WDR43: variants seen among roughly 807,000 people sequenced by gnomAD.
The protein encoded by WDR43 is WD repeat-containing protein 43.
WDR43 carries 13 observed loss-of-function variants against 91.4 expected under a neutral mutation model. The ratio of observed to expected loss-of-function variants is 0.14; its 90% CI spans 0.09 to 0.23. The LOEUF (loss-of-function observed/expected upper bound fraction) is 0.23. Ranked by LOEUF, WDR43 falls within the 10% of genes least tolerant of loss-of-function variation. The pLI, the probability that WDR43 is intolerant of heterozygous loss-of-function variation, is 1.00. For synonymous variants in WDR43, 331 were observed against 287.9 expected (o/e 1.15, Z -1.51); for missense variants, 780 against 809.4 (o/e 0.96, Z 0.44).
At chr2:28,930,124 G>C (rs575114154) in intron 11 of WDR43, 2 of 471,170 alleles carry the variant, frequency 4.2e-6, no homozygotes, top group Admixed American at 4.7e-5. Flanking sequence ...GTGAGAGGGG[G>C]CAGTGAGGTG....
chr2:28,940,282 T>C (rs1572604190), intron 14 of WDR43, among the ~76,000 whole-genome samples: 1 of 150,866 alleles, frequency 6.6e-6, no homozygotes, highest in African/African-American at 2.4e-5. Context: ...TAGGCTGGAG[T>C]GCAATGGCAC....
At chr2:28,930,850 T>G (rs1341991482) in intron 11 of WDR43, among the ~76,000 whole-genome samples, 1 of 152,186 alleles carries the variant, frequency 6.6e-6, no homozygotes, top group Non-Finnish European at 1.5e-5. Context: ...GCCAATCAAC[T>G]GTTGATTTGT....
At chr2:28,941,887 G>C (rs1030529086) in intron 15 of WDR43, among the ~76,000 whole-genome samples, 4 of 152,106 alleles carry the variant, frequency 2.6e-5, no homozygotes, top group Admixed American at 2.0e-4. Flanking sequence ...GACCCACCAC[G>C]CCTGGCTGAG....
chr2:28,899,691 C>T (rs1670544509), intron 1 of WDR43, among the ~76,000 whole-genome samples: 1 of 152,080 alleles, frequency 6.6e-6, no homozygotes. Context: ...GCACTAAACT[C>T]TTGGTTTGAA....
At chr2:28,904,326 G>A (rs1340875788) in intron 2 of WDR43, among the ~76,000 whole-genome samples, 2 of 152,026 alleles carry the variant, frequency 1.3e-5, no homozygotes, top group Non-Finnish European at 1.5e-5. Flanking sequence ...CCCTTAAATG[G>A]GTATTAACAG....
chr2:28,945,716 A>G (rs934641331), intron 16 of WDR43, among the ~76,000 whole-genome samples: 2 of 152,212 alleles, frequency 1.3e-5, no homozygotes, highest in Non-Finnish European at 2.9e-5. Flanking sequence ...CCATTGTGAG[A>G]TATATCTTCC....
chr2:28,924,361 G>T (rs1222911094), intron 7 of WDR43, among the ~76,000 whole-genome samples: 1 of 152,170 alleles, frequency 6.6e-6, no homozygotes, highest in African/African-American at 2.4e-5. Context: ...CTGGTATCTG[G>T]TGACAACAAT....
rs777901532 is a variant in WDR43, at chr2:28,902,036, A to T, written c.275A>T (p.Asn92Ile). ...KRKSEAVGMS[N>I]QTDLLALGTA... ...AAATCAGAAGCTGTAGGAATGAGTA[A>T]CCAGACTGACTTATTGGCTCTTGGC... Residue 92 changes from asparagine to isoleucine, a missense_variant, in exon 2 of 18, where the codon AAC becomes ATC. Transcript: ENST00000407426. 45 of 1,609,384 alleles carry T rather than the reference A, an allele frequency of 2.8e-5. No homozygotes were observed. In the South Asian group the frequency reaches 4.8e-4, roughly 17 times the overall value.
intron 1 of WDR43, among the ~76,000 whole-genome samples, chr2:28,897,623 A>T (rs975065035): frequency 8.5e-5 from 13 of 152,214 alleles, no homozygotes; most frequent in Non-Finnish European, 1.5e-4. Context: ...AATATGGTAA[A>T]TCAATTTGTA....
intron 11 of WDR43, among the ~76,000 whole-genome samples, chr2:28,934,446 G>C (rs1190019767): frequency 6.6e-6 from 1 of 152,154 alleles, no homozygotes; most frequent in African/African-American, 2.4e-5. Context: ...CAGTAAAGTT[G>C]TAAAAGAAAA....
At chr2:28,931,079 T>G (rs1206590498) in intron 11 of WDR43, among the ~76,000 whole-genome samples, 2 of 147,524 alleles carry the variant, frequency 1.4e-5, no homozygotes, top group East Asian at 3.9e-4. Flanking sequence ...TATTTCTGCT[T>G]TTTTTTTTTT....
rs1201697321 is a variant in WDR43 at position 28,914,226 on chromosome 2, A to C, written c.746+18A>C. 29 of 1,602,946 alleles carry C rather than the reference A, an allele frequency of 1.8e-5. No individual in the cohort carries two copies. Among genetic ancestry groups the C allele is most frequent in the Non-Finnish European group, 2.2e-5 (26 of 1,175,374 alleles). On this transcript the variant is annotated intron_variant, in intron 5 of 17. Coordinates refer to ENST00000407426, the MANE Select transcript of WDR43 (RefSeq NM_015131.3). ...AATGTCTGGTATGTAGTTCTTTTGG[A>C]TTTGGGAGGTAGCATTGAAAGAATC...
intron 4 of WDR43, chr2:28,913,584 TAC>T (rs1214766191): frequency 4.1e-6 from 2 of 482,028 alleles, no homozygotes; most frequent in Non-Finnish European, 8.4e-6. Flanking sequence ...TTAGTCCACT[TAC>T]TGTATTTGAC....
chr2:28,924,864 C>A, intron 7 of WDR43, 118 bp from the exon 8 acceptor site: 2 of 1,220,138 alleles, frequency 1.6e-6, no homozygotes, highest in Non-Finnish European at 2.3e-6. Flanking sequence ...CAGGTGACTC[C>A]TGATGGCAGT....
At chr2:28,904,005 A>G (rs1056430987) in intron 2 of WDR43, among the ~76,000 whole-genome samples, 2 of 152,044 alleles carry the variant, frequency 1.3e-5, no homozygotes, top group Non-Finnish European at 2.9e-5. Context: ...GGGTTTTGTC[A>G]TGTTGGCCAT....
At chr2:28,935,635 A>G (rs2148196747) in intron 12 of WDR43, 28 bp downstream of exon 12, 1 of 1,474,948 alleles carries the variant, frequency 6.8e-7, no homozygotes, top group Non-Finnish European at 9.2e-7. Context: ...TCATTTCAGC[A>G]TCCTAATGCC....
At chr2:28,915,478 A>C (rs1478082324) in intron 5 of WDR43, among the ~76,000 whole-genome samples, 1 of 152,210 alleles carries the variant, frequency 6.6e-6, no homozygotes, top group East Asian at 1.9e-4. Context: ...CCAGCTACAA[A>C]ATTTCATTAA....
intron 6 of WDR43, 116 bp from the exon 7 acceptor site, chr2:28,922,803 T>TTG: frequency 2.4e-6 from 1 of 408,854 alleles, no homozygotes; most frequent in South Asian, 6.9e-5. Flanking sequence ...CTGTGTTTTT[T>TTG]TTTTTTTTTT....
At chr2:28,922,840 A>T in intron 6 of WDR43, 79 bp from the exon 7 acceptor site, 2 of 747,498 alleles carry the variant, frequency 2.7e-6, no homozygotes, top group East Asian at 3.1e-5. Context: ...GGTGGGAAGG[A>T]CAGCTGAGTT....
Sources: allele counts gnomAD v4.1 joint callset (sites outside exome capture counted in the v4.1 genomes callset), GRCh38; gene constraint gnomAD v4.1.1; transcripts MANE v1.5; gene names NCBI Gene and HGNC (gene_info 2026-07-23, HGNC 2026-07-21).